Variants in MGAT5 observed in about 807,000 individuals in gnomAD.
MGAT5 encodes the protein alpha-1,6-mannosylglycoprotein 6-beta-N-acetylglucosaminyltransferase.
A neutral mutation model predicts 94.3 loss-of-function variants in MGAT5; 30 were observed. The observed-to-expected ratio is 0.32, with a 90% CI of 0.24 to 0.43. The LOEUF (loss-of-function observed/expected upper bound fraction) is 0.43. Ranked by LOEUF, MGAT5 falls within the 20% of genes least tolerant of loss-of-function variation. The probability of loss-of-function intolerance (pLI) is 1.00; values close to 1 mark genes in which losing one functional copy is unlikely to be tolerated. For missense variants in MGAT5, 691 were observed against 905.5 expected, an observed-to-expected ratio of 0.76 and a Z score of 3.04; for synonymous variants, 310 against 322.9, an observed-to-expected ratio of 0.96 and a Z score of 0.43.
intron 1 of MGAT5, among the ~76,000 whole-genome samples, chr2:134,178,573 T>A (rs1688588707): frequency 6.6e-6 from 1 of 152,212 alleles, no homozygotes; most frequent in African/African-American, 2.4e-5. Context: ...TTGGGAAATG[T>A]AGTTTCCTGT....
At chr2:134,427,323 A>G (rs990636575) in intron 13 of MGAT5, among the ~76,000 whole-genome samples, 5 of 152,106 alleles carry the variant, frequency 3.3e-5, no homozygotes, top group African/African-American at 1.2e-4. Flanking sequence ...TTTCTCTCAA[A>G]TGAAATTTCC....
At chr2:134,368,499 C>T (rs1273092926) in intron 10 of MGAT5, among the ~76,000 whole-genome samples, 1 of 152,200 alleles carries the variant, frequency 6.6e-6, no homozygotes, top group Non-Finnish European at 1.5e-5. Flanking sequence ...GGTTTTAAAG[C>T]ATCCCCTGAA....
chr2:134,195,118 G>C (rs1227817753), intron 1 of MGAT5, among the ~76,000 whole-genome samples: 2 of 152,144 alleles, frequency 1.3e-5, no homozygotes, highest in Admixed American at 6.6e-5. Flanking sequence ...AGTGGAGGTT[G>C]TTAACCTCCA....
intron 2 of MGAT5, among the ~76,000 whole-genome samples, chr2:134,303,661 A>G (rs1686163059): frequency 6.6e-6 from 1 of 152,130 alleles, no homozygotes; most frequent in Non-Finnish European, 1.5e-5. Context: ...AGTCTTGTGA[A>G]TACTTTGAAC....
intron 2 of MGAT5, among the ~76,000 whole-genome samples, chr2:134,292,704 C>T (rs1460155496): frequency 1.3e-5 from 2 of 152,184 alleles, no homozygotes; most frequent in East Asian, 3.8e-4. Flanking sequence ...CTGTTAGGAT[C>T]TACCTTCATC....
chr2:134,170,145 A>G (rs1158365954), intron 1 of MGAT5, among the ~76,000 whole-genome samples: 1 of 152,222 alleles, frequency 6.6e-6, no homozygotes, highest in Non-Finnish European at 1.5e-5. Context: ...TATATATTCC[A>G]TTAGCCTACA....
intron 1 of MGAT5, among the ~76,000 whole-genome samples, chr2:134,223,936 A>G (rs1680921169): frequency 6.6e-6 from 1 of 152,228 alleles, no homozygotes; most frequent in African/African-American, 2.4e-5. Flanking sequence ...CTATATTGTC[A>G]TAAAATTACA....
intron 1 of MGAT5, among the ~76,000 whole-genome samples, chr2:134,186,393 T>A (rs972787665): frequency 1.3e-5 from 2 of 151,918 alleles, no homozygotes; most frequent in Non-Finnish European, 2.9e-5. Context: ...TTTTTTTTTT[T>A]ACTTGGAATT....
At chr2:134,185,091 G>T (rs1302720720) in intron 1 of MGAT5, among the ~76,000 whole-genome samples, 1 of 152,120 alleles carries the variant, frequency 6.6e-6, no homozygotes, top group Admixed American at 6.5e-5. Context: ...TAAGCTGTGA[G>T]GATGCAAAGG....
At chr2:134,312,434 C>T (rs1385230113) in intron 2 of MGAT5, among the ~76,000 whole-genome samples, 1 of 152,180 alleles carries the variant, frequency 6.6e-6, no homozygotes, top group East Asian at 1.9e-4. Flanking sequence ...CAGTCCAGAA[C>T]TCGGACTCCT....
chr2:134,270,431 G>A lies in MGAT5; in HGVS notation c.287G>A (p.Arg96His), dbSNP rs768197190. ...LAVLLDNILQ[R>H]IGKLESKVDN... is the part of the protein sequence containing the mutation. The stretch of plus-strand genomic sequence containing the variant: ...GTGTTATTAGATAACATTTTGCAGC[G>A]CATTGGCAAGTTGGAGTCGAAGGTG... The change falls in exon 2 of 16, where the codon CGC becomes CAC. Residue 96 changes from arginine to histidine, a missense_variant. By Grantham distance (29) the Arg-to-His change is conservative. Around this residue, in one of 4 missense-constraint regions of MGAT5, gnomAD observed 307 missense variants for 335.4 expected, o/e 0.92. Coordinates refer to ENST00000281923, the MANE Select transcript of MGAT5 (RefSeq NM_002410.5). 1 of 1,614,168 alleles carries A rather than the reference G, an allele frequency of 6.2e-7. No individual in the cohort carries two copies. The highest frequency in any genetic ancestry group is 1.1e-5 in the South Asian group (1 of 91,076).
chr2:134,208,881 T>C lies in MGAT5; in HGVS notation c.-142-45381T>C, dbSNP rs938906996. ...GGAAAGCATTATCTTACTCCCAGCC[T>C]CTGGGGAAAATAAATAACCGAGAGA... On this transcript the variant is annotated intron_variant, in intron 1 of 16. Coordinates refer to the MGAT5 transcript ENST00000409645. Among the ~76,000 whole-genome samples the C allele has an allele frequency of 4.6e-5, 7 of 152,234 alleles. 1 individual carries two copies. The highest frequency in any genetic ancestry group is 1.0e-4 in the Non-Finnish European group (7 of 68,038).
chr2:134,184,667 A>T (rs1012903043), intron 1 of MGAT5, among the ~76,000 whole-genome samples: 3 of 152,046 alleles, frequency 2.0e-5, no homozygotes, highest in African/African-American at 7.2e-5. Flanking sequence ...GCCTCAACAG[A>T]TACTTGTTGT....
At chr2:134,195,809 G>C (rs1220150916) in intron 1 of MGAT5, among the ~76,000 whole-genome samples, 81 of 152,202 alleles carry the variant, frequency 5.3e-4, no homozygotes, top group Admixed American at 5.3e-3. Context: ...ATTTTCCGTA[G>C]TGGATTTTAT....
At chr2:134,334,227 G>A (rs1180933283) in intron 4 of MGAT5, among the ~76,000 whole-genome samples, 1 of 152,128 alleles carries the variant, frequency 6.6e-6, no homozygotes, top group East Asian at 1.9e-4. Flanking sequence ...GGCTTCTGTA[G>A]GGAAGTCATC....
chr2:134,360,864 C>G (rs1680040959), intron 9 of MGAT5, among the ~76,000 whole-genome samples: 1 of 148,648 alleles, frequency 6.7e-6, no homozygotes, highest in Middle Eastern at 3.4e-3. Flanking sequence ...ATTGGCCAGA[C>G]TGAACACAAC....
chr2:134,360,643 A>AT, intron 9 of MGAT5, among the ~76,000 whole-genome samples: 1 of 152,388 alleles, frequency 6.6e-6, no homozygotes, highest in Non-Finnish European at 1.5e-5. Context: ...TTTAAGCTGC[A>AT]TAATAACACT....
chr2:134,323,464 A>G (rs1026355619), intron 4 of MGAT5, among the ~76,000 whole-genome samples: 2 of 152,126 alleles, frequency 1.3e-5, no homozygotes, highest in African/African-American at 4.8e-5. Context: ...TGGGTCAGCT[A>G]TACACAATCT....
chr2:134,194,744 C>T (rs72846730), intron 1 of MGAT5, among the ~76,000 whole-genome samples: 4,226 of 152,222 alleles, frequency 0.028, 83 homozygotes, highest in Non-Finnish European at 0.039. Context: ...ATGCCCCCTT[C>T]ACCAGGACTT....
Sources: gnomAD v4.1 joint callset for allele counts (sites outside exome capture counted in the v4.1 genomes callset) on GRCh38, gnomAD v4.1.1 for gene constraint, gnomAD v4.1.1 regional missense constraint, MANE v1.5 for transcripts, NCBI Gene and HGNC (gene_info 2026-07-23, HGNC 2026-07-21) for gene names.